Variants in MAPK9 observed in about 807,000 individuals in gnomAD.
MAPK9 encodes the protein mitogen-activated protein kinase 9.
In MAPK9, 30 loss-of-function variants were observed where a neutral mutation model predicts 57.1. The ratio of observed to expected loss-of-function variants is 0.53; its 90% CI spans 0.39 to 0.71. The LOEUF (loss-of-function observed/expected upper bound fraction) is 0.71, where lower values mean the gene tolerates loss of function less well. MAPK9 is among the 30% of genes least tolerant of loss of function. The pLI is 0.00. For synonymous variants in MAPK9, 155 were observed against 177.0 expected, an observed-to-expected ratio of 0.88 and a Z score of 0.99; for missense variants, 362 against 521.0, an observed-to-expected ratio of 0.69 and a Z score of 2.97.
chr5:180,289,436 GA>G (rs983608484), intron 1 of MAPK9, among the ~76,000 whole-genome samples: 56 of 152,234 alleles, frequency 3.7e-4, no homozygotes, highest in Admixed American at 2.7e-3. Flanking sequence ...TTAAATGGAG[GA>G]AAACATTAAA....
At chr5:180,253,894 G>C (rs1401034693) in intron 5 of MAPK9, among the ~76,000 whole-genome samples, 2 of 120,912 alleles carry the variant, frequency 1.7e-5, no homozygotes, top group African/African-American at 2.8e-5. Context: ...TGTGGTCCAA[G>C]AGACACCCAT....
At chr5:180,238,278 A>G in intron 11 of MAPK9, 54 bp downstream of exon 11, 4 of 1,474,264 alleles carry the variant, frequency 2.7e-6, no homozygotes, top group Non-Finnish European at 3.7e-6. Context: ...TCAAAAAAAA[A>G]AAGTTGAATA....
rs946326260 is a variant in MAPK9 at position 180,291,486 on chromosome 5, C to T, written c.-48+362G>A. ...TTCCCCACCTTCCCGAAGGCAAAAC[C>T]GCGGCAGAGCGAGGGTCAGTGCCTT... On this transcript the variant is annotated intron_variant, in intron 1 of 11. Transcript: ENST00000452135. Among the ~76,000 whole-genome samples the T allele has an allele frequency of 3.9e-5, 6 of 152,320 alleles. No homozygotes were observed. In the East Asian group the frequency reaches 1.2e-3, roughly 29 times the overall value.
chr5:180,275,925 C>G (rs182356492), intron 2 of MAPK9, among the ~76,000 whole-genome samples: 1 of 152,228 alleles, frequency 6.6e-6, no homozygotes, highest in Admixed American at 6.5e-5. Context: ...TTTGTTAAAA[C>G]TGTCTTCCAC....
intron 2 of MAPK9, chr5:180,279,716 G>A: frequency 2.7e-6 from 1 of 377,338 alleles, no homozygotes; most frequent in South Asian, 1.9e-5. Context: ...AAAAAAAAAA[G>A]TTCTGCCCAG....
chr5:180,238,685 T>C (rs1214049942), intron 10 of MAPK9, among the ~76,000 whole-genome samples: 1 of 146,814 alleles, frequency 6.8e-6, no homozygotes, highest in Non-Finnish European at 1.5e-5. Context: ...CTTGACTCAC[T>C]GAAACCTCCA....
chr5:180,239,787 CTG>C, intron 10 of MAPK9, 135 bp downstream of exon 10: 1 of 736,372 alleles, frequency 1.4e-6, no homozygotes, highest in Non-Finnish European at 2.3e-6. Context: ...CTACTGGAAA[CTG>C]GGGAGAAAGA....
chr5:180,268,072 C>A (rs1317244020), intron 3 of MAPK9, among the ~76,000 whole-genome samples: 2 of 152,082 alleles, frequency 1.3e-5, no homozygotes, highest in African/African-American at 4.8e-5. Context: ...GATCCACCCG[C>A]CTCGGCCTCC....
rs1761031410 is a variant in MAPK9 at position 180,269,318 on chromosome 5, G to A, written c.214C>T (p.Arg72Cys). Reference sequence around the variant, plus strand: ...ACACATTTTAAGAGGACAAGTTCACGATAAGCTCTCTTTGCATGAGTTTGG... The same window carrying A: ...ACACATTTTAAGAGGACAAGTTCACAATAAGCTCTCTTTGCATGAGTTTGG... ...QNQTHAKRAY[R>C]ELVLLKCVNH... Residue 72 changes from arginine (R) to cysteine (C), a missense_variant, in exon 3 of 12, where the codon CGT (arginine) becomes TGT (cysteine). Transcript: ENST00000452135. The A allele has an allele frequency of 6.2e-7, 1 of 1,613,926 alleles. No homozygotes were observed. Among genetic ancestry groups the A allele is most frequent in the Non-Finnish European group, 8.5e-7 (1 of 1,179,896 alleles).
At chr5:180,265,798 TG>T (rs549358267) in intron 3 of MAPK9, among the ~76,000 whole-genome samples, 1,740 of 152,250 alleles carry the variant, frequency 0.011, 12 homozygotes, top group Non-Finnish European at 0.018. Context: ...TATACAGGAT[TG>T]GGGTGATTGG....
Position 180,247,835 on chromosome 5 carries a change from G to A in MAPK9, c.617-325C>T, listed in dbSNP as rs764406302. On this transcript the variant is annotated intron_variant, in intron 6 of 11. Coordinates refer to ENST00000452135, the MANE Select transcript of MAPK9 (RefSeq NM_002752.5). This position sits in a 1 kb window ranked among gnomAD's most constrained non-coding sequence, Gnocchi z 4.5. ...ACCCCAGCCTCCATGGCCAAGTACCGGGTCCCCTGTGAAGGATACAGTCTC... is the reference window on the plus strand; with the variant it reads ...ACCCCAGCCTCCATGGCCAAGTACCAGGTCCCCTGTGAAGGATACAGTCTC... 4.2e-5 allele frequency: 68 copies of A among 1,613,254 alleles called. 1 individual carries two copies. Among genetic ancestry groups the A allele is most frequent in the African/African-American group, 6.7e-5 (5 of 74,842 alleles).
intron 9 of MAPK9, 104 bp downstream of exon 9, chr5:180,240,927 G>A: frequency 7.5e-7 from 1 of 1,328,834 alleles, no homozygotes. Context: ...GCCCCCAAAT[G>A]GAGAACTTGC....
intron 5 of MAPK9, among the ~76,000 whole-genome samples, chr5:180,251,665 C>T (rs1581199371): frequency 6.6e-6 from 1 of 152,302 alleles, no homozygotes; most frequent in East Asian, 1.9e-4. Flanking sequence ...AGAGGAAAGA[C>T]AGTTCTGCCC....
intron 6 of MAPK9, among the ~76,000 whole-genome samples, chr5:180,248,634 C>T (rs539699536): frequency 1.2e-4 from 18 of 152,284 alleles, no homozygotes; most frequent in Middle Eastern, 6.8e-3. Flanking sequence ...TCGTGGGCTG[C>T]GAGGAGGGGC....
chr5:180,261,942 G>A, intron 4 of MAPK9, 120 bp from the exon 5 acceptor site: 5 of 735,448 alleles, frequency 6.8e-6, no homozygotes, highest in Admixed American at 3.0e-5. Context: ...AAGATAACTT[G>A]GTATAATGGA....
chr5:180,271,100 C>T (rs981864628), intron 2 of MAPK9, among the ~76,000 whole-genome samples: 7 of 152,190 alleles, frequency 4.6e-5, no homozygotes, highest in East Asian at 3.9e-4. Context: ...TATGTTAATT[C>T]GCTCAATTTA....
intron 1 of MAPK9, among the ~76,000 whole-genome samples, chr5:180,288,586 A>G (rs755261789): frequency 3.9e-5 from 6 of 152,222 alleles, no homozygotes; most frequent in African/African-American, 9.6e-5. Flanking sequence ...TGTTTTACAG[A>G]TGAGTGCAAT....
intron 5 of MAPK9, among the ~76,000 whole-genome samples, chr5:180,252,551 C>T (rs1471299673): frequency 1.3e-5 from 2 of 152,174 alleles, no homozygotes; most frequent in Non-Finnish European, 2.9e-5. Flanking sequence ...TTTTGATTTA[C>T]TATCTTGGGG....
At chr5:180,250,572 T>C (rs1487735565) in intron 5 of MAPK9, among the ~76,000 whole-genome samples, 4 of 152,148 alleles carry the variant, frequency 2.6e-5, no homozygotes, top group Non-Finnish European at 4.4e-5. Flanking sequence ...CAAGGGGGGT[T>C]GCAGGCGGCA....
Sources: gnomAD v4.1 joint callset for allele counts (sites outside exome capture counted in the v4.1 genomes callset) on GRCh38, gnomAD v4.1.1 for gene constraint, Gnocchi (gnomAD v3.1) non-coding constraint, MANE v1.5 for transcripts, NCBI Gene and HGNC (gene_info 2026-07-23, HGNC 2026-07-21) for gene names.